Variants in CCBE1 observed in about 807,000 individuals in gnomAD.
CCBE1 encodes collagen and calcium-binding EGF domain-containing protein 1.
A neutral mutation model predicts 50.0 loss-of-function variants in CCBE1; 37 were observed. The ratio of observed to expected loss-of-function variants is 0.74; its 90% CI spans 0.57 to 0.97. CCBE1 has a LOEUF of 0.97. Ranked by LOEUF, CCBE1 falls within the 50% of genes least tolerant of loss-of-function variation. The probability of loss-of-function intolerance (pLI) is 0.00; values close to 1 mark genes in which losing one functional copy is unlikely to be tolerated. For missense variants in CCBE1, 538 were observed against 523.8 expected (o/e 1.03, Z -0.26); for synonymous variants, 234 against 203.7 (o/e 1.15, Z -1.27).
chr18:59,559,166 T>C (rs1424796284), intron 2 of CCBE1, among the ~76,000 whole-genome samples: 1 of 152,154 alleles, frequency 6.6e-6, no homozygotes, highest in East Asian at 1.9e-4. Context: ...AGGCAGTAGA[T>C]GGGGTCTCCT....
intron 2 of CCBE1, among the ~76,000 whole-genome samples, chr18:59,576,054 C>T (rs189223900): frequency 6.6e-4 from 100 of 152,284 alleles, no homozygotes; most frequent in African/African-American, 2.3e-3. Flanking sequence ...TTTCACTTGG[C>T]ATCATGTATT....
At chr18:59,493,629 G>A (rs925246461) in intron 2 of CCBE1, among the ~76,000 whole-genome samples, 1 of 152,112 alleles carries the variant, frequency 6.6e-6, no homozygotes, top group Non-Finnish European at 1.5e-5. Context: ...CATGAGCCCA[G>A]GCTGCTGGGC....
intron 10 of CCBE1, among the ~76,000 whole-genome samples, chr18:59,437,041 CA>C (rs1455485260): frequency 6.6e-6 from 1 of 152,160 alleles, no homozygotes; most frequent in African/African-American, 2.4e-5. Context: ...TGACTATAAG[CA>C]CAAACTAAAT....
At chr18:59,604,827 A>T (rs1333408661) in intron 2 of CCBE1, among the ~76,000 whole-genome samples, 1 of 152,218 alleles carries the variant, frequency 6.6e-6, no homozygotes, top group Non-Finnish European at 1.5e-5. Flanking sequence ...TAATAAACAA[A>T]TGCCAAGTCT....
chr18:59,634,789 G>A, intron 2 of CCBE1, among the ~76,000 whole-genome samples: 1 of 152,126 alleles, frequency 6.6e-6, no homozygotes, highest in East Asian at 1.9e-4. Context: ...ATACATAATA[G>A]CTGATACTAA....
At chr18:59,574,190 T>C (rs767259366) in intron 2 of CCBE1, among the ~76,000 whole-genome samples, 5 of 152,236 alleles carry the variant, frequency 3.3e-5, no homozygotes, top group Non-Finnish European at 1.5e-5. Context: ...TAATGTTAGA[T>C]GGCTTTTTCA....
At chr18:59,577,850 TA>T (rs1384701956) in intron 2 of CCBE1, among the ~76,000 whole-genome samples, 1 of 152,026 alleles carries the variant, frequency 6.6e-6, no homozygotes, top group Non-Finnish European at 1.5e-5. Flanking sequence ...CCCAAAACCA[TA>T]AAAACCCTAG....
At chr18:59,532,396 A>G (rs998018308) in intron 2 of CCBE1, among the ~76,000 whole-genome samples, 1 of 152,036 alleles carries the variant, frequency 6.6e-6, no homozygotes, top group African/African-American at 2.4e-5. Context: ...TGTGTTGATA[A>G]ACGTGGTTTG....
At position 59,495,595 on chromosome 18, in the gene CCBE1, C is replaced by A. The variant is rs1458824770; in HGVS notation, c.213-15357G>T. Among the ~76,000 whole-genome samples the A allele has an allele frequency of 2.0e-5, 3 of 151,974 alleles. No individual in the cohort carries two copies. In the East Asian group the frequency reaches 5.8e-4, roughly 29 times the overall value. On this transcript the variant is annotated intron_variant, in intron 2 of 10. Coordinates refer to ENST00000439986, the MANE Select transcript of CCBE1 (RefSeq NM_133459.4). ...AGCCATGTCCTTGGCCCACGCCATC[C>A]CTGGGTGCTTGCCTTTTTTTTTTTT...
rs1222850589 is a variant in CCBE1 at position 59,612,822 on chromosome 18, TTTTGTTTTTTTTTGTTTTTGTTTTTG to T, written c.212+83781_212+83806del. ...ACTCAGCCAATCTCAAGGGTTTTTT[TTTTGTTTTTTTTTGTTTTTGTTTTTG>T]TTTTTTTTAATGTCTGTTAGATGGC... On this transcript the variant is annotated intron_variant, in intron 2 of 10. Coordinates refer to ENST00000439986, the MANE Select transcript of CCBE1 (RefSeq NM_133459.4). Among the ~76,000 whole-genome samples the T allele has an allele frequency of 4.4e-5, 5 of 113,574 alleles. No homozygotes were observed. In the South Asian group the frequency reaches 9.8e-4, roughly 22 times the overall value. 74.5% of individuals were successfully genotyped at this position (113,574 alleles called of 152,430 possible).
chr18:59,455,337 TC>T (rs1911140695), intron 5 of CCBE1: 1 of 347,300 alleles, frequency 2.9e-6, no homozygotes, highest in Non-Finnish European at 5.7e-6. Flanking sequence ...CTGTAAATAT[TC>T]CCCAAGTGCA....
intron 3 of CCBE1, 90 bp from the exon 4 acceptor site, chr18:59,469,697 C>T (rs1395919694): frequency 1.9e-6 from 3 of 1,555,890 alleles, no homozygotes; most frequent in Non-Finnish European, 2.6e-6. Context: ...GGGCTGGGCT[C>T]TGCTCAAGGG....
intron 2 of CCBE1, among the ~76,000 whole-genome samples, chr18:59,629,956 C>A (rs535440876): frequency 7.2e-5 from 11 of 152,216 alleles, no homozygotes; most frequent in Non-Finnish European, 1.3e-4. Flanking sequence ...AATGGACATA[C>A]TGCAGGGGCA....
intron 2 of CCBE1, among the ~76,000 whole-genome samples, chr18:59,514,592 T>G (rs755843430): frequency 6.6e-6 from 1 of 150,868 alleles, no homozygotes; most frequent in African/African-American, 2.4e-5. Context: ...ACAGACTTCC[T>G]TTGGGGAATT....
At chr18:59,687,044 G>A (rs1046926845) in intron 2 of CCBE1, among the ~76,000 whole-genome samples, 4 of 152,166 alleles carry the variant, frequency 2.6e-5, no homozygotes, top group Non-Finnish European at 5.9e-5. Context: ...TTCCCAGGAA[G>A]GCACCTCAGC....
At chr18:59,526,776 C>G (rs990833569) in intron 2 of CCBE1, among the ~76,000 whole-genome samples, 5 of 152,172 alleles carry the variant, frequency 3.3e-5, no homozygotes, top group South Asian at 2.1e-4. Context: ...ACCCAGGAGT[C>G]ATTCAGGAGC....
At chr18:59,533,279 C>G (rs1165289651) in intron 2 of CCBE1, among the ~76,000 whole-genome samples, 1 of 152,140 alleles carries the variant, frequency 6.6e-6, no homozygotes, top group Non-Finnish European at 1.5e-5. Flanking sequence ...TAAGTGTAAA[C>G]AATTTTCCAT....
At position 59,547,456 on chromosome 18, in the gene CCBE1, A is replaced by G. The variant is rs79829797; in HGVS notation, c.213-67218T>C. ...GTTGACATGTCCAGAAGGCAATAGC[A>G]GACAGAAAATTGGCCCCAGGGAGAG... On this transcript the variant is annotated intron_variant, in intron 2 of 10. Transcript: ENST00000439986. 5.1e-3 allele frequency among the ~76,000 whole-genome samples: 775 copies of G among 152,248 alleles called. 9 individuals carry two copies. Among genetic ancestry groups the G allele is most frequent in the African/African-American group, 0.017 (698 of 41,524 alleles).
At chr18:59,620,392 A>G (rs1341787837) in intron 2 of CCBE1, among the ~76,000 whole-genome samples, 2 of 152,196 alleles carry the variant, frequency 1.3e-5, no homozygotes, top group Non-Finnish European at 2.9e-5. Flanking sequence ...GAATGTGGCC[A>G]CTGCCCTGAA....
Sources: allele counts gnomAD v4.1 joint callset (sites outside exome capture counted in the v4.1 genomes callset), GRCh38; gene constraint gnomAD v4.1.1; transcripts MANE v1.5; gene names NCBI Gene and HGNC (gene_info 2026-07-23, HGNC 2026-07-21).